The following DRP2 variants were observed in gnomAD, a reference collection of about 807,000 sequenced individuals.
DRP2 encodes dystrophin related protein 2.
Under a neutral mutation model 78.2 loss-of-function variants are expected in DRP2, and 29 were observed. That is an observed-to-expected ratio of 0.37 (90% CI 0.28 to 0.51). The LOEUF (loss-of-function observed/expected upper bound fraction) is 0.51. DRP2 is among the 20% of genes least tolerant of loss of function. The probability of loss-of-function intolerance (pLI) is 0.94; values close to 1 mark genes in which losing one functional copy is unlikely to be tolerated. For missense variants in DRP2, 686 were observed against 770.6 expected (o/e 0.89, Z 1.30); for synonymous variants, 290 against 281.9 (o/e 1.03, Z -0.29).
rs907763793 is a variant in DRP2, at chrX:101,261,403, G to T, written c.*782G>T. 5.4e-5 allele frequency: 6 copies of T among 110,523 alleles called. No individual in the cohort carries two copies. Among genetic ancestry groups the T allele is most frequent in the African/African-American group, 2.0e-4 (6 of 30,317 alleles). 9.1% of individuals were successfully genotyped at this position (110,523 alleles called of 1,213,427 possible). A position where few individuals can be genotyped will look rare whatever the true frequency, so the allele number is the denominator to read the frequency against. On this transcript the variant is annotated 3_prime_UTR_variant, in exon 24 of 24. Coordinates refer to ENST00000395209, the MANE Select transcript of DRP2 (RefSeq NM_001939.3). ...AGCATTTTGAGAGACCCACTGAGTT[G>T]CGAGTTGCTCTGGAAACCTGGCTGA...
At position 101,242,922 on chromosome X, in the gene DRP2, C is replaced by T; in HGVS notation, c.994C>T (p.Leu332Phe). Residue 332 changes from leucine (L) to phenylalanine (F), a missense_variant, in exon 9 of 24, where the codon CTT (leucine) becomes TTT (phenylalanine). Physicochemically the swap from Leu to Phe is conservative, Grantham distance 22. Around this residue, in one of 2 missense-constraint regions of DRP2, gnomAD observed 423 missense variants for 531.5 expected, o/e 0.80. Coordinates refer to ENST00000395209, the MANE Select transcript of DRP2 (RefSeq NM_001939.3). Reference protein sequence around the residue: ...KQLQASVSERLKQLQDAHRDF... With the variant: ...KQLQASVSERFKQLQDAHRDF... ...TCCATAGGCGTCAGTTAGTGAGAGG[C>T]TTAAGCAGCTCCAGGATGCCCACCG... The T allele has an allele frequency of 8.3e-7, 1 of 1,211,085 alleles. No homozygotes were observed. Among genetic ancestry groups the T allele is most frequent in the Non-Finnish European group, 1.1e-6 (1 of 895,184 alleles).
At chrX:101,220,889 G>T (rs1921870553) in intron 1 of DRP2, among the ~76,000 whole-genome samples, 1 of 111,836 alleles carries the variant, frequency 8.9e-6, no homozygotes, top group Admixed American at 9.5e-5. Flanking sequence ...ATAGCTTGGA[G>T]TGGTTTCAAA....
At chrX:101,237,835 T>G in intron 5 of DRP2, 60 bp downstream of exon 5, 1 of 1,021,470 alleles carries the variant, frequency 9.8e-7, no homozygotes, top group Non-Finnish European at 1.3e-6. Flanking sequence ...GAATCCCTTC[T>G]TCAGTACCCT....
intron 15 of DRP2, 147 bp downstream of exon 15, chrX:101,250,727 C>T: frequency 1.1e-6 from 1 of 936,223 alleles, no homozygotes; most frequent in Non-Finnish European, 1.5e-6. Context: ...GCAGAGGGTT[C>T]TCTGGGCTCT....
chrX:101,260,731 A>G lies in DRP2; in HGVS notation c.*110A>G, dbSNP rs1452665662. ...GTTTCCACTGGCCCCACATTCCTCA[A>G]CTAGTATTATTTGGGCTCTGGGCAG... On this transcript the variant is annotated 3_prime_UTR_variant, in exon 24 of 24. Transcript: ENST00000395209. 2 of 1,006,543 alleles carry G rather than the reference A, an allele frequency of 2.0e-6. No homozygotes were observed. The highest frequency in any genetic ancestry group is 3.2e-5 in the East Asian group (1 of 31,655). The allele number at this position is 1,006,543 out of a possible 1,213,427, so 83.0% of individuals were successfully genotyped here.
At chrX:101,257,764 A>G (rs969293636) in intron 21 of DRP2, among the ~76,000 whole-genome samples, 12 of 111,836 alleles carry the variant, frequency 1.1e-4, no homozygotes, top group Non-Finnish European at 1.9e-4. Context: ...GCAAATAAAG[A>G]AAAAACGAAC....
chrX:101,259,987 G>T, intron 22 of DRP2, 62 bp from the exon 23 acceptor site: 1 of 1,193,342 alleles, frequency 8.4e-7, no homozygotes, highest in East Asian at 3.0e-5. Flanking sequence ...CTAAGCTCAG[G>T]AGTCTGTCAG....
chrX:101,256,708 C>G (rs1923350753), intron 21 of DRP2, among the ~76,000 whole-genome samples: 1 of 85,084 alleles, frequency 1.2e-5, no homozygotes. Context: ...ACCACCATGC[C>G]TGGCTAATTT....
chrX:101,256,238 G>A lies in DRP2; in HGVS notation c.2367G>A (p.Leu789=), dbSNP rs1381628126. 8.4e-7 allele frequency: 1 copy of A among 1,197,430 alleles called. No individual in the cohort carries two copies. Among genetic ancestry groups the A allele is most frequent in the South Asian group, 1.9e-5 (1 of 53,475 alleles). Residue 789 remains leucine (L), a synonymous_variant, in exon 21 of 24, where the codon CTG becomes CTA. Coordinates refer to ENST00000395209, the MANE Select transcript of DRP2 (RefSeq NM_001939.3). ...TESKGELQKI[L]AHLEDENRIL... is the part of the protein sequence containing the mutation. ...GCAAAGGGGAGCTACAGAAGATCCT[G>A]GCCCACTTGGAAGATGAGAACCGGT...
Position 101,256,113 on chromosome X carries a change from T to C in DRP2, c.2247-5T>C. The C allele has an allele frequency of 3.4e-6, 4 of 1,180,126 alleles. No homozygotes were observed. Among genetic ancestry groups the C allele is most frequent in the Non-Finnish European group, 4.5e-6 (4 of 881,459 alleles). ...ACCTACTCTGCTTTCCCCACACCCATGCAGAGACGAGGACCAGTACCTGCT... is the reference window on the plus strand; with the variant it reads ...ACCTACTCTGCTTTCCCCACACCCACGCAGAGACGAGGACCAGTACCTGCT... On this transcript the variant is annotated splice_region_variant and splice_polypyrimidine_tract_variant and intron_variant, in intron 20 of 23. Transcript: ENST00000395209.
intron 1 of DRP2, among the ~76,000 whole-genome samples, chrX:101,220,347 C>G (rs1423714875): frequency 9.6e-6 from 1 of 104,367 alleles, no homozygotes; most frequent in Non-Finnish European, 2.0e-5. Flanking sequence ...CTTGCATGTG[C>G]CTTTAGTGGA....
intron 23 of DRP2, 58 bp from the exon 24 acceptor site, chrX:101,260,439 C>A: frequency 8.5e-7 from 1 of 1,175,844 alleles, no homozygotes; most frequent in Non-Finnish European, 1.1e-6. Flanking sequence ...CTATCTGACC[C>A]CTTGGCCTCA....
intron 13 of DRP2, 84 bp downstream of exon 13, chrX:101,248,374 A>G (rs1050653964): frequency 5.4e-6 from 6 of 1,116,865 alleles, no homozygotes; most frequent in African/African-American, 3.7e-5. Context: ...TGTTGCTCCC[A>G]TAGTAGACTT....
chrX:101,243,111 CAG>C, intron 9 of DRP2, 129 bp downstream of exon 9: 1 of 592,420 alleles, frequency 1.7e-6, no homozygotes, highest in Non-Finnish European at 2.7e-6. Flanking sequence ...AAGGATAAAA[CAG>C]TGTGGTATAG....
In DRP2 at chrX:101,231,711, G is replaced by C; in HGVS notation, c.64G>C (p.Ala22Pro). 1 of 1,211,495 alleles carries C rather than the reference G, an allele frequency of 8.3e-7. No individual in the cohort carries two copies. The highest frequency in any genetic ancestry group is 1.8e-5 in the South Asian group (1 of 56,948). Reference sequence around the variant, plus strand: ...CCCACGATGTCATGACTGGCAGGCAGCTGACCAGTTCCATCATAGCAGCAG... The same window carrying C: ...CCCACGATGTCATGACTGGCAGGCACCTGACCAGTTCCATCATAGCAGCAG... ...TLPRCHDWQA[A>P]DQFHHSSSLR... is the part of the protein sequence containing the mutation. Residue 22 changes from alanine (A) to proline (P), a missense_variant, in exon 3 of 24, where the codon GCT becomes CCT. By Grantham distance (27) the Ala-to-Pro change is conservative. Around this residue, in one of 2 missense-constraint regions of DRP2, gnomAD observed 263 missense variants for 239.1 expected, o/e 1.10. Coordinates refer to ENST00000395209, the MANE Select transcript of DRP2 (RefSeq NM_001939.3).
chrX:101,242,451 G>A lies in DRP2; in HGVS notation c.955G>A (p.Val319Ile), dbSNP rs750742090. The A allele has an allele frequency of 1.7e-5, 20 of 1,208,073 alleles. No homozygotes were observed. Among genetic ancestry groups the A allele is most frequent in the Admixed American group, 6.6e-5 (3 of 45,452 alleles). Residue 319 changes from valine to isoleucine, a missense_variant, in exon 8 of 24, where the codon GTC (valine) becomes ATC (isoleucine). By Grantham distance (29) the Val-to-Ile change is conservative. This residue lies in a region of DRP2 where 423 missense variants were observed against 531.5 expected (regional missense o/e 0.80). Coordinates refer to ENST00000395209, the MANE Select transcript of DRP2 (RefSeq NM_001939.3). ...TTCCCAGGCCCTGGAACAGATCAACGTCCGATGGAAACAACTACAGGTAGA... is the reference window on the plus strand; with the variant it reads ...TTCCCAGGCCCTGGAACAGATCAACATCCGATGGAAACAACTACAGGTAGA... The part of the protein sequence containing the change: ...ENSQALEQIN[V>I]RWKQLQASVS...
chrX:101,238,947 C>T (rs757474508), intron 5 of DRP2, 34 bp from the exon 6 acceptor site: 1 of 1,197,018 alleles, frequency 8.4e-7, no homozygotes, highest in African/African-American at 1.7e-5. Context: ...GAAAAACTTT[C>T]CTTTCCTGTT....
chrX:101,225,404 A>G (rs1236449053), intron 2 of DRP2, among the ~76,000 whole-genome samples: 2 of 111,469 alleles, frequency 1.8e-5, no homozygotes, highest in Non-Finnish European at 3.8e-5. Context: ...GTATTCTGAG[A>G]CACAACTGCC....
chrX:101,224,212 T>TTTTTTTTTTTTG (rs1922025437), intron 1 of DRP2, among the ~76,000 whole-genome samples: 1 of 75,098 alleles, frequency 1.3e-5, no homozygotes, highest in Admixed American at 1.5e-4. Context: ...TTTTTTTTTT[T>TTTTTTTTTTTTG]TTTTTTTTTG....
Sources: gnomAD v4.1 joint callset for allele counts (sites outside exome capture counted in the v4.1 genomes callset) on GRCh38, gnomAD v4.1.1 for gene constraint, gnomAD v4.1.1 regional missense constraint, MANE v1.5 for transcripts, NCBI Gene and HGNC (gene_info 2026-07-23, HGNC 2026-07-21) for gene names.